RGS6: variants seen among roughly 807,000 people sequenced by gnomAD.
RGS6 encodes regulator of G protein signaling 6, also known as regulator of G-protein signaling 6.
In RGS6, 30 loss-of-function variants were observed where a neutral mutation model predicts 78.5. The observed-to-expected ratio is 0.38, with a 90% CI of 0.29 to 0.52. The LOEUF is 0.52. Ranked by LOEUF, RGS6 falls within the 20% of genes least tolerant of loss-of-function variation. The pLI is 0.85. For synonymous variants in RGS6, 206 were observed against 206.0 expected (o/e 1.00, Z 0.00); for missense variants, 495 against 609.7 (o/e 0.81, Z 1.98).
intron 2 of RGS6, among the ~76,000 whole-genome samples, chr14:72,139,891 G>A (rs764224211): frequency 2.6e-5 from 4 of 151,620 alleles, no homozygotes; most frequent in Non-Finnish European, 1.5e-5. Flanking sequence ...TTTAAATAAC[G>A]ATTTAAAAAT....
At chr14:72,601,089 G>A in the RGS6 span, among the ~76,000 whole-genome samples, 1 of 151,792 alleles carries the variant, frequency 6.6e-6, no homozygotes, top group African/African-American at 2.4e-5. Context: ...AGAAGGGGAG[G>A]AAAGGGAATA....
the RGS6 span, among the ~76,000 whole-genome samples, chr14:72,611,521 C>T: frequency 1.3e-5 from 2 of 152,192 alleles, no homozygotes; most frequent in South Asian, 4.1e-4. Context: ...CCCACCCCCC[C>T]AGTCCCGCTC....
At chr14:72,113,194 A>G (rs1216775717) in intron 2 of RGS6, among the ~76,000 whole-genome samples, 1 of 152,216 alleles carries the variant, frequency 6.6e-6, no homozygotes, top group Non-Finnish European at 1.5e-5. Flanking sequence ...GGTGGTGGTG[A>G]TGGTAGGAAT....
intron 3 of RGS6, among the ~76,000 whole-genome samples, chr14:72,418,345 T>A (rs200695430): frequency 1.5e-4 from 23 of 152,070 alleles, no homozygotes; most frequent in African/African-American, 5.6e-4. Flanking sequence ...TTTTGTATTT[T>A]TAGTAGAGAT....
At position 72,321,072 on chromosome 14, in the gene RGS6, G is replaced by A. The variant is rs991579786; in HGVS notation, c.85-31023G>A. Among the ~76,000 whole-genome samples the A allele has an allele frequency of 5.9e-5, 9 of 151,414 alleles. No individual in the cohort carries two copies. In the East Asian group the frequency reaches 7.7e-4, roughly 13 times the overall value. ...AATATATATTAAACCAATGTTTAGT[G>A]CCTATTAACCAAATTCAAGTGATAG... On this transcript the variant is annotated intron_variant, in intron 2 of 17. Coordinates refer to ENST00000553525, the MANE Select transcript of RGS6 (RefSeq NM_001204424.2).
At chr14:72,230,202 C>T (rs1004625774) in intron 2 of RGS6, among the ~76,000 whole-genome samples, 3 of 152,138 alleles carry the variant, frequency 2.0e-5, no homozygotes, top group Non-Finnish European at 2.9e-5. Flanking sequence ...CTGGATCTAG[C>T]GTCTTCTCCT....
intron 12 of RGS6, among the ~76,000 whole-genome samples, chr14:72,493,968 A>G (rs2096611597): frequency 6.6e-6 from 1 of 152,244 alleles, no homozygotes; most frequent in South Asian, 2.1e-4. Flanking sequence ...AGAGATAGAC[A>G]TGGAATCCAG....
At chr14:72,164,310 C>A (rs2096894784) in intron 2 of RGS6, among the ~76,000 whole-genome samples, 2 of 152,170 alleles carry the variant, frequency 1.3e-5, no homozygotes, top group Non-Finnish European at 2.9e-5. Flanking sequence ...ACAACAAAGT[C>A]TTTGATTTGC....
At chr14:72,296,485 C>T (rs761298109) in intron 2 of RGS6, among the ~76,000 whole-genome samples, 4 of 152,120 alleles carry the variant, frequency 2.6e-5, no homozygotes, top group Non-Finnish European at 5.9e-5. Flanking sequence ...ACATCCTTGC[C>T]AACACTTAAT....
intron 3 of RGS6, among the ~76,000 whole-genome samples, chr14:72,415,855 A>T (rs1192219312): frequency 6.6e-6 from 1 of 152,208 alleles, no homozygotes; most frequent in Admixed American, 6.5e-5. Flanking sequence ...CTAAAAGCAT[A>T]AAAAGTTTAT....
upstream of RGS6, among the ~76,000 whole-genome samples, chr14:71,930,418 CCACATACATA>C (rs1445977532): frequency 6.6e-6 from 1 of 152,090 alleles, no homozygotes; most frequent in Non-Finnish European, 1.5e-5. Flanking sequence ...AAAATACCCC[CCACATACATA>C]CACATACATA....
chr14:72,364,834 A>G (rs963101435), intron 3 of RGS6, among the ~76,000 whole-genome samples: 1 of 152,216 alleles, frequency 6.6e-6, no homozygotes, highest in Admixed American at 6.5e-5. Context: ...CAAAGATGAT[A>G]TTGATGAGGA....
intron 16 of RGS6, among the ~76,000 whole-genome samples, chr14:72,536,520 C>T (rs567012983): frequency 6.6e-6 from 1 of 152,218 alleles, no homozygotes; most frequent in East Asian, 1.9e-4. Flanking sequence ...CATGTTCTGC[C>T]CATGGTGGGG....
At chr14:72,544,089 G>C (rs2097360972) in intron 17 of RGS6, among the ~76,000 whole-genome samples, 1 of 152,200 alleles carries the variant, frequency 6.6e-6, no homozygotes, top group Non-Finnish European at 1.5e-5. Context: ...CCACAGTGGG[G>C]TGGGGGGCCT....
chr14:72,025,009 A>G (rs986904792), intron 2 of RGS6, among the ~76,000 whole-genome samples: 2 of 152,202 alleles, frequency 1.3e-5, no homozygotes, highest in African/African-American at 4.8e-5. Context: ...AATTAAGGGT[A>G]CTAGAGATTC....
At chr14:72,505,321 A>G (rs1230976796) in intron 13 of RGS6, among the ~76,000 whole-genome samples, 2 of 152,146 alleles carry the variant, frequency 1.3e-5, no homozygotes, top group African/African-American at 2.4e-5. Flanking sequence ...GGCAAATTCA[A>G]TATCTGGTAA....
In RGS6 at chr14:72,341,707, T is replaced by C. The variant is rs374475213; in HGVS notation, c.85-10388T>C. On this transcript the variant is annotated intron_variant, in intron 2 of 17. Transcript: ENST00000553525. ...GAATTCCATAGTAGGGAATTTGGCA[T>C]TTATTTTGTAGCTGTGGGAAGCCAT... 3.3e-4 allele frequency among the ~76,000 whole-genome samples: 50 copies of C among 152,324 alleles called. No individual in the cohort carries two copies. In the East Asian group the frequency reaches 7.3e-3, roughly 22 times the overall value.
At chr14:72,608,104 A>G in the RGS6 span, among the ~76,000 whole-genome samples, 2 of 151,874 alleles carry the variant, frequency 1.3e-5, no homozygotes, top group African/African-American at 4.8e-5. Flanking sequence ...AGTTCCCTCA[A>G]TTTCCCCCTT....
chr14:72,273,490 A>G (rs1033193953), intron 2 of RGS6, among the ~76,000 whole-genome samples: 3 of 152,182 alleles, frequency 2.0e-5, no homozygotes, highest in African/African-American at 7.2e-5. Context: ...AATCGGTGGT[A>G]TATACATAGG....
Sources: gnomAD v4.1 joint callset for allele counts (sites outside exome capture counted in the v4.1 genomes callset) on GRCh38, gnomAD v4.1.1 for gene constraint, MANE v1.5 for transcripts, NCBI Gene and HGNC (gene_info 2026-07-23, HGNC 2026-07-21) for gene names.